The following PTPRD variants were observed in gnomAD, a reference collection of about 807,000 sequenced individuals.
PTPRD encodes protein tyrosine phosphatase receptor type D, also known as receptor-type tyrosine-protein phosphatase delta.
Under a neutral mutation model 214.5 loss-of-function variants are expected in PTPRD, and 34 were observed. That is an observed-to-expected ratio of 0.16 (90% CI 0.12 to 0.21). The LOEUF is 0.21. PTPRD is among the 10% of genes least tolerant of loss of function. The pLI, the probability that PTPRD is intolerant of heterozygous loss-of-function variation, is 1.00. For missense variants in PTPRD, 2,545 were observed against 2,398.7 expected (o/e 1.06, Z -1.27); for synonymous variants, 1,128 against 845.7 (o/e 1.33, Z -5.79).
At chr9:10,412,063 C>T (rs1387632541) in intron 2 of PTPRD, among the ~76,000 whole-genome samples, 1 of 151,688 alleles carries the variant, frequency 6.6e-6, no homozygotes, top group East Asian at 2.0e-4. Context: ...GTGTCCATTT[C>T]ATGATAAATT....
chr9:10,007,175 G>C (rs750294241), intron 4 of PTPRD, among the ~76,000 whole-genome samples: 3 of 151,868 alleles, frequency 2.0e-5, no homozygotes, highest in Non-Finnish European at 2.9e-5. Flanking sequence ...TTCAAATGTA[G>C]GTGTTTATCT....
At chr9:9,604,711 G>A (rs954873271) in intron 7 of PTPRD, among the ~76,000 whole-genome samples, 1 of 151,886 alleles carries the variant, frequency 6.6e-6, no homozygotes, top group Non-Finnish European at 1.5e-5. Context: ...ATATGTATGG[G>A]TGGCAAATTT....
chr9:8,320,246 TGAAAA>T (rs1418667251), intron 44 of PTPRD, among the ~76,000 whole-genome samples: 1 of 151,982 alleles, frequency 6.6e-6, no homozygotes, highest in African/African-American at 2.4e-5. Flanking sequence ...ACATAACAAA[TGAAAA>T]GAAAGGGTAA....
chr9:9,419,088 G>T (rs931350177), intron 8 of PTPRD, among the ~76,000 whole-genome samples: 3 of 147,134 alleles, frequency 2.0e-5, no homozygotes, highest in Non-Finnish European at 3.0e-5. Context: ...TGTACAACTG[G>T]GTAAGCTTAG....
intron 2 of PTPRD, among the ~76,000 whole-genome samples, chr9:10,407,449 G>A (rs1169544283): frequency 6.6e-6 from 1 of 151,430 alleles, no homozygotes; most frequent in Admixed American, 6.6e-5. Context: ...TTGAAAAATG[G>A]ATGAAAATAT....
In PTPRD at chr9:8,713,163, G is replaced by A. The variant is rs2098380841; in HGVS notation, c.64+20617C>T. ...ACGATAACAAAACACAACTTCTCCT[G>A]CATAACTGTCAGTGCCAGAATTTCA... On this transcript the variant is annotated intron_variant, in intron 12 of 45. Coordinates refer to ENST00000381196, the MANE Select transcript of PTPRD (RefSeq NM_002839.4). 1.4e-5 allele frequency: 8 copies of A among 556,944 alleles called. No homozygotes were observed. In the South Asian group the frequency reaches 1.7e-4, roughly 12 times the overall value. 34.5% of individuals were successfully genotyped at this position (556,944 alleles called of 1,614,324 possible). A position where few individuals can be genotyped will look rare whatever the true frequency, so the allele number is the denominator to read the frequency against.
At chr9:10,432,494 T>C (rs2098689703) in intron 2 of PTPRD, among the ~76,000 whole-genome samples, 1 of 151,936 alleles carries the variant, frequency 6.6e-6, no homozygotes, top group East Asian at 1.9e-4. Context: ...TATCCTAGTT[T>C]TTCTCCTTTT....
chr9:8,990,263 C>A (rs571758612), intron 11 of PTPRD, among the ~76,000 whole-genome samples: 176 of 152,250 alleles, frequency 1.2e-3, no homozygotes, highest in Non-Finnish European at 2.1e-3. Flanking sequence ...GCAAGGGTCC[C>A]ACTTAGAAAT....
chr9:8,475,459 C>A (rs2096744323), intron 30 of PTPRD, among the ~76,000 whole-genome samples: 1 of 152,064 alleles, frequency 6.6e-6, no homozygotes, highest in African/African-American at 2.4e-5. Flanking sequence ...CTATCCAGAC[C>A]CTATTTTCAT....
At chr9:8,644,595 C>G (rs1181803845) in intron 12 of PTPRD, among the ~76,000 whole-genome samples, 1 of 152,204 alleles carries the variant, frequency 6.6e-6, no homozygotes. Flanking sequence ...CTGTGACTCA[C>G]TCTTTGGGGC....
chr9:9,342,023 G>A lies in PTPRD; in HGVS notation c.-203+55426C>T, dbSNP rs191946267. Among the ~76,000 whole-genome samples, 366 of 152,132 alleles carry A rather than the reference G, an allele frequency of 2.4e-3. 3 individuals carry two copies. Among genetic ancestry groups the A allele is most frequent in the African/African-American group, 8.5e-3 (353 of 41,496 alleles). ...AGGATTTTGCCATATTGGTCAGGAT[G>A]ATCTCAAACTCCTGACCTCAAGTGA... On this transcript the variant is annotated intron_variant, in intron 9 of 45. Transcript: ENST00000381196.
intron 10 of PTPRD, among the ~76,000 whole-genome samples, chr9:9,042,603 T>C (rs1193577636): frequency 5.6e-5 from 5 of 89,612 alleles, no homozygotes; most frequent in Non-Finnish European, 7.7e-5. Context: ...TTAGCATTTT[T>C]TCTTTTTTTT....
At chr9:10,140,812 A>T (rs887339155) in intron 3 of PTPRD, among the ~76,000 whole-genome samples, 2 of 151,752 alleles carry the variant, frequency 1.3e-5, no homozygotes, top group African/African-American at 4.8e-5. Flanking sequence ...AGAATTTTAG[A>T]CCAATATCCT....
At chr9:8,898,213 G>A (rs994521832) in intron 11 of PTPRD, among the ~76,000 whole-genome samples, 1 of 151,958 alleles carries the variant, frequency 6.6e-6, no homozygotes, top group African/African-American at 2.4e-5. Flanking sequence ...TTTTATATAA[G>A]GATGTGTGCC....
intron 11 of PTPRD, among the ~76,000 whole-genome samples, chr9:8,892,527 GTGTGTATATATA>G (rs1008773112): frequency 1.3e-5 from 2 of 150,270 alleles, no homozygotes; most frequent in East Asian, 3.9e-4. Context: ...ATATATATGT[GTGTGTATATATA>G]TGTGTGTATA....
chr9:9,030,276 C>CTTTTTTTTTTTTTTTTTGTTTTTTT (rs2099600530), intron 10 of PTPRD, among the ~76,000 whole-genome samples: 1 of 37,920 alleles, frequency 2.6e-5, no homozygotes. Context: ...CACACTTGGG[C>CTTTTTTTTTTTTTTTTTGTTTTTTT]TTTTTTTTTT....
chr9:10,114,422 C>T (rs376064588), intron 3 of PTPRD, among the ~76,000 whole-genome samples: 11 of 152,044 alleles, frequency 7.2e-5, no homozygotes, highest in African/African-American at 1.7e-4. Context: ...TCACTCTGTC[C>T]GCTTACTAGC....
chr9:10,108,425 G>A (rs995924938), intron 3 of PTPRD, among the ~76,000 whole-genome samples: 1 of 151,744 alleles, frequency 6.6e-6, no homozygotes, highest in Non-Finnish European at 1.5e-5. Context: ...AATTCCTTCT[G>A]TCTAACTGAA....
intron 3 of PTPRD, among the ~76,000 whole-genome samples, chr9:10,098,347 G>C (rs1407012064): frequency 7.3e-5 from 10 of 137,188 alleles, no homozygotes; most frequent in African/African-American, 2.7e-4. Flanking sequence ...TGGTTGTGGG[G>C]TTGGGGGAGG....
Sources: gnomAD v4.1 joint callset for allele counts (sites outside exome capture counted in the v4.1 genomes callset) on GRCh38, gnomAD v4.1.1 for gene constraint, MANE v1.5 for transcripts, NCBI Gene and HGNC (gene_info 2026-07-23, HGNC 2026-07-21) for gene names.